Variants in KLHL4 observed in about 807,000 individuals in gnomAD.
KLHL4 encodes kelch-like protein 4.
KLHL4 carries 17 observed loss-of-function variants against 45.8 expected under a neutral mutation model. The ratio of observed to expected loss-of-function variants is 0.37; its 90% CI spans 0.25 to 0.56. The LOEUF (loss-of-function observed/expected upper bound fraction) is 0.56. Ranked by LOEUF, KLHL4 falls within the 20% of genes least tolerant of loss-of-function variation. The pLI, the probability that KLHL4 is intolerant of heterozygous loss-of-function variation, is 0.79. For synonymous variants in KLHL4, 224 were observed against 189.9 expected (o/e 1.18, Z -1.47); for missense variants, 544 against 544.9 (o/e 1.00, Z 0.02).
At chrX:87,620,402 C>T (rs188110450) in intron 4 of KLHL4, among the ~76,000 whole-genome samples, 2,473 of 111,506 alleles carry the variant, frequency 0.022, 28 homozygotes, top group Middle Eastern at 0.042. Context: ...TAAAATTACA[C>T]TTATTCTTTA....
At position 87,648,463 on chromosome X, in the gene KLHL4, G is replaced by C. The variant is rs17279316; in HGVS notation, c.1925+12688G>C. 1.1e-3 allele frequency among the ~76,000 whole-genome samples: 125 copies of C among 111,410 alleles called. 2 individuals carry two copies. The South Asian group carries it at 0.046, about 41-fold the overall frequency. ...TCAGTTGGAAGTGCAACTCAGAACA[G>C]AATTAAGGACCACAGTGTCTGATGT... On this transcript the variant is annotated intron_variant, in intron 9 of 10. Coordinates refer to ENST00000373119, the MANE Select transcript of KLHL4 (RefSeq NM_019117.5).
At position 87,614,554 on chromosome X, in the gene KLHL4, G is replaced by A; in HGVS notation, c.711G>A (p.Val237=). 8.3e-7 allele frequency: 1 copy of A among 1,207,499 alleles called. No homozygotes were observed. The highest frequency in any genetic ancestry group is 3.0e-5 in the East Asian group (1 of 33,726). Residue 237 remains valine (V), a synonymous_variant, in exon 3 of 11, where the codon GTG becomes GTA. Coordinates refer to ENST00000373119, the MANE Select transcript of KLHL4 (RefSeq NM_019117.5). ...GVDPNALNSL[V]QYAYTGVLQL... is the part of the protein sequence containing the mutation. ...ATCCAAATGCACTAAATTCCTTGGT[G>A]CAGTATGCTTACACAGGTAAGTGCC...
At chrX:87,545,108 G>T (rs949974568) in intron 1 of KLHL4, among the ~76,000 whole-genome samples, 1 of 112,361 alleles carries the variant, frequency 8.9e-6, no homozygotes, top group African/African-American at 3.2e-5. Flanking sequence ...GATATTAAAA[G>T]AATTAAAAAG....
At chrX:87,623,398 A>C (rs771704924) in intron 5 of KLHL4, among the ~76,000 whole-genome samples, 40 of 98,371 alleles carry the variant, frequency 4.1e-4, no homozygotes, top group Non-Finnish European at 6.9e-4. Context: ...AGTTCAAGCG[A>C]TTCTCCTGCC....
chrX:87,635,375 G>A (rs910680304), intron 8 of KLHL4, among the ~76,000 whole-genome samples, 188 bp from the exon 9 acceptor site: 3 of 111,784 alleles, frequency 2.7e-5, no homozygotes, highest in Non-Finnish European at 5.6e-5. Flanking sequence ...GGTGCCCTCA[G>A]GTTACGATCT....
chrX:87,564,848 C>A (rs1932174399), intron 1 of KLHL4, among the ~76,000 whole-genome samples: 1 of 111,744 alleles, frequency 8.9e-6, no homozygotes, highest in African/African-American at 3.2e-5. Flanking sequence ...CTCCATCCAA[C>A]AACAGGAGAT....
chrX:87,518,328 G>T lies in KLHL4; in HGVS notation c.422+13G>T, dbSNP rs1451343777. The T allele has an allele frequency of 8.5e-7, 1 of 1,175,927 alleles. No homozygotes were observed. The highest frequency in any genetic ancestry group is 2.2e-5 in the Admixed American group (1 of 44,674). On this transcript the variant is annotated intron_variant, in intron 1 of 10. Transcript: ENST00000373119. ...ATTCTACAGCAAGGTAAGAGTTTTT[G>T]GTCGCATAACTGAATGCCGTAACTT... is the stretch of plus-strand genomic sequence containing the variant.
At chrX:87,563,596 C>A in intron 1 of KLHL4, among the ~76,000 whole-genome samples, 1 of 88,485 alleles carries the variant, frequency 1.1e-5, no homozygotes. Flanking sequence ...AATACACAGT[C>A]CAAAGGAGAC....
intron 1 of KLHL4, among the ~76,000 whole-genome samples, chrX:87,559,828 C>T (rs1054487485): frequency 5.4e-5 from 6 of 110,934 alleles, no homozygotes; most frequent in South Asian, 3.8e-4. Context: ...AGTGCTACAG[C>T]GGTAATATAT....
At chrX:87,611,093 A>G (rs1326765192) in intron 1 of KLHL4, among the ~76,000 whole-genome samples, 1 of 111,565 alleles carries the variant, frequency 9.0e-6, no homozygotes, top group Non-Finnish European at 1.9e-5. Context: ...AAAGAAAAAA[A>G]GCTTCTGAGA....
rs188919548 is a variant in KLHL4 at position 87,616,413 on chromosome X, A to G, written c.728-1519A>G. 1.6e-3 allele frequency among the ~76,000 whole-genome samples: 174 copies of G among 112,133 alleles called. 1 individual carries two copies. The highest frequency in any genetic ancestry group is 5.3e-3 in the African/African-American group (166 of 31,033). On this transcript the variant is annotated intron_variant, in intron 3 of 10. Coordinates refer to ENST00000373119, the MANE Select transcript of KLHL4 (RefSeq NM_019117.5). The stretch of plus-strand genomic sequence containing the variant: ...AATTTTCATTATGCTCTAAAATTTC[A>G]ATAAGCTTTTTAAAATCAGGAGTGA...
At chrX:87,652,284 T>A (rs1268349084) in intron 9 of KLHL4, among the ~76,000 whole-genome samples, 1 of 112,491 alleles carries the variant, frequency 8.9e-6, no homozygotes, top group Non-Finnish European at 1.9e-5. Context: ...TTCCCTATTG[T>A]CTTGGCAGTT....
intron 1 of KLHL4, among the ~76,000 whole-genome samples, chrX:87,544,090 C>T: frequency 9.0e-6 from 1 of 111,002 alleles, no homozygotes; most frequent in East Asian, 2.9e-4. Context: ...GGGGAGCCCA[C>T]TGCCCTGAAG....
intron 1 of KLHL4, among the ~76,000 whole-genome samples, chrX:87,550,653 C>T (rs1931791427): frequency 9.0e-6 from 1 of 111,108 alleles, no homozygotes; most frequent in African/African-American, 3.3e-5. Flanking sequence ...AAAAAAAATC[C>T]ACCATGATTA....
intron 1 of KLHL4, among the ~76,000 whole-genome samples, chrX:87,564,740 CT>C (rs1932172277): frequency 9.0e-6 from 1 of 111,432 alleles, no homozygotes; most frequent in African/African-American, 3.3e-5. Flanking sequence ...TCAATATCAG[CT>C]TTCAATAATA....
In KLHL4 at chrX:87,558,254, G is replaced by A. The variant is rs142487426; in HGVS notation, c.422+39939G>A. On this transcript the variant is annotated intron_variant, in intron 1 of 10. Transcript: ENST00000373119. Reference sequence around the variant, plus strand: ...ATTTATTTGCTGTTGTGACTGGAGTGATCTGTTTAACCTCTTTAAGCCTCA... The same window carrying A: ...ATTTATTTGCTGTTGTGACTGGAGTAATCTGTTTAACCTCTTTAAGCCTCA... Among the ~76,000 whole-genome samples, 861 of 110,892 alleles carry A rather than the reference G, an allele frequency of 7.8e-3. 6 individuals are homozygous for A. Among genetic ancestry groups the A allele is most frequent in the African/African-American group, 0.027 (821 of 30,528 alleles).
chrX:87,530,532 G>C (rs1931239529), intron 1 of KLHL4, among the ~76,000 whole-genome samples: 1 of 99,352 alleles, frequency 1.0e-5, no homozygotes, highest in South Asian at 5.2e-4. Flanking sequence ...TTGGTTTTTT[G>C]TCCTTGCGAT....
At chrX:87,655,560 C>G (rs1923961783) in intron 9 of KLHL4, among the ~76,000 whole-genome samples, 1 of 111,370 alleles carries the variant, frequency 9.0e-6, no homozygotes, top group Non-Finnish European at 1.9e-5. Context: ...ACCCCATTAA[C>G]TTAAGTCTCC....
At chrX:87,543,167 G>A (rs759675677) in intron 1 of KLHL4, among the ~76,000 whole-genome samples, 20 of 111,317 alleles carry the variant, frequency 1.8e-4, no homozygotes, top group East Asian at 8.5e-4. Flanking sequence ...TCTATGAGTC[G>A]ATTAAACCTC....
Sources: allele counts gnomAD v4.1 joint callset (sites outside exome capture counted in the v4.1 genomes callset), GRCh38; gene constraint gnomAD v4.1.1; transcripts MANE v1.5; gene names NCBI Gene and HGNC (gene_info 2026-07-23, HGNC 2026-07-21).